Variants in SLC24A3 observed in about 807,000 individuals in gnomAD.
The protein encoded by SLC24A3 is solute carrier family 24 member 3.
Under a neutral mutation model 75.8 loss-of-function variants are expected in SLC24A3, and 28 were observed. That is an observed-to-expected ratio of 0.37 (90% CI 0.27 to 0.51). The LOEUF (loss-of-function observed/expected upper bound fraction) is 0.51. Ranked by LOEUF, SLC24A3 falls within the 20% of genes least tolerant of loss-of-function variation. The probability of loss-of-function intolerance (pLI) is 0.94; values close to 1 mark genes in which losing one functional copy is unlikely to be tolerated. For missense variants in SLC24A3, 663 were observed against 847.8 expected, an observed-to-expected ratio of 0.78 and a Z score of 2.71; for synonymous variants, 372 against 334.1, an observed-to-expected ratio of 1.11 and a Z score of -1.24.
chr20:19,452,522 G>A (rs757261406), intron 2 of SLC24A3, among the ~76,000 whole-genome samples: 1 of 151,868 alleles, frequency 6.6e-6, no homozygotes, highest in Non-Finnish European at 1.5e-5. Context: ...GGGAAAGACT[G>A]AGGCACTTGG....
At chr20:19,303,359 GC>G (rs1204429262) in intron 2 of SLC24A3, among the ~76,000 whole-genome samples, 1 of 152,196 alleles carries the variant, frequency 6.6e-6, no homozygotes, top group Non-Finnish European at 1.5e-5. Flanking sequence ...TCTTACGGCT[GC>G]ATGGTATTCC....
At chr20:19,581,540 T>C (rs1287916435) in intron 4 of SLC24A3, among the ~76,000 whole-genome samples, 1 of 152,238 alleles carries the variant, frequency 6.6e-6, no homozygotes, top group South Asian at 2.1e-4. Flanking sequence ...AAAAAAGTTA[T>C]AAGGAGAGGA....
chr20:19,610,157 C>A (rs1290122751), intron 6 of SLC24A3, among the ~76,000 whole-genome samples: 1 of 152,146 alleles, frequency 6.6e-6, no homozygotes, highest in South Asian at 2.1e-4. Context: ...CGGCTTTCTT[C>A]TTCTCCTTTT....
At chr20:19,631,940 T>C (rs2424239) in intron 6 of SLC24A3, among the ~76,000 whole-genome samples, 63,917 of 151,876 alleles carry the variant, frequency 0.42, 16,605 homozygotes, top group African/African-American at 0.75. Context: ...AGTCTTTCTG[T>C]TGTCCTAAGC....
intron 1 of SLC24A3, among the ~76,000 whole-genome samples, chr20:19,217,045 G>A (rs938715239): frequency 1.3e-5 from 2 of 152,198 alleles, no homozygotes; most frequent in African/African-American, 4.8e-5. Context: ...CTCTCCATGC[G>A]ATCTCTTTAT....
At chr20:19,479,869 C>T (rs1988024876) in intron 2 of SLC24A3, among the ~76,000 whole-genome samples, 1 of 152,152 alleles carries the variant, frequency 6.6e-6, no homozygotes, top group Non-Finnish European at 1.5e-5. Context: ...ACACTGACAG[C>T]CCCAGCTACA....
At chr20:19,510,488 C>T (rs1398486688) in intron 2 of SLC24A3, among the ~76,000 whole-genome samples, 2 of 152,172 alleles carry the variant, frequency 1.3e-5, no homozygotes, top group African/African-American at 2.4e-5. Flanking sequence ...GCAAAGGAGG[C>T]TTCGGAGATG....
chr20:19,684,292 C>T lies in SLC24A3; in HGVS notation c.1018C>T (p.Pro340Ser). ...AATCATGATAACCAGCCACTTTCCC[C>T]CCAAGACCCGGCTCTCCATGGCCAG... Reference protein sequence around the residue: ...LRIMITSHFPPKTRLSMASRM... With the variant: ...LRIMITSHFPSKTRLSMASRM... The change falls in exon 11 of 17, where the codon CCC becomes TCC. Residue 340 changes from proline to serine, a missense_variant. By Grantham distance (74) the Pro-to-Ser change is moderately conservative. Coordinates refer to ENST00000328041, the MANE Select transcript of SLC24A3 (RefSeq NM_020689.4). The T allele has an allele frequency of 6.2e-7, 1 of 1,614,134 alleles. No individual in the cohort carries two copies. The highest frequency in any genetic ancestry group is 8.5e-7 in the Non-Finnish European group (1 of 1,180,022).
intron 2 of SLC24A3, among the ~76,000 whole-genome samples, chr20:19,480,288 T>C (rs1568629983): frequency 4.6e-5 from 7 of 152,154 alleles, no homozygotes; most frequent in Admixed American, 3.3e-4. Context: ...TCTCTGGGGC[T>C]GTTTTCTCCT....
chr20:19,473,376 C>G (rs1264860993), intron 2 of SLC24A3, among the ~76,000 whole-genome samples: 3 of 152,200 alleles, frequency 2.0e-5, no homozygotes, highest in Non-Finnish European at 4.4e-5. Flanking sequence ...ATTCCTAACT[C>G]ACAATGCACC....
At chr20:19,592,079 G>A (rs1385773145) in intron 6 of SLC24A3, among the ~76,000 whole-genome samples, 1 of 152,216 alleles carries the variant, frequency 6.6e-6, no homozygotes, top group Non-Finnish European at 1.5e-5. Context: ...CTACATGTGG[G>A]ATTCCAGGTG....
intron 6 of SLC24A3, among the ~76,000 whole-genome samples, chr20:19,651,974 G>A (rs1430219238): frequency 6.6e-6 from 1 of 151,900 alleles, no homozygotes; most frequent in Non-Finnish European, 1.5e-5. Context: ...TTCTTCAAAT[G>A]CTGGATCTCT....
rs117879618 is a variant in SLC24A3, at chr20:19,541,467, C to T, written c.348+25903C>T. ...ATTAGCACGTGTGTGTCTATTTACA[C>T]GCACCATTAAGTGCTGTCCCTCAGT... On this transcript the variant is annotated intron_variant, in intron 3 of 16. Coordinates refer to ENST00000328041, the MANE Select transcript of SLC24A3 (RefSeq NM_020689.4). Among the ~76,000 whole-genome samples, 9 of 152,292 alleles carry T rather than the reference C, an allele frequency of 5.9e-5. No homozygotes were observed. The East Asian group carries it at 7.7e-4, about 13-fold the overall frequency.
intron 6 of SLC24A3, among the ~76,000 whole-genome samples, chr20:19,640,827 T>C (rs1191256418): frequency 2.0e-5 from 3 of 152,188 alleles, no homozygotes; most frequent in Non-Finnish European, 4.4e-5. Flanking sequence ...TAAAATCAGA[T>C]AGAAATAGGA....
chr20:19,240,845 G>A (rs1982308607), intron 1 of SLC24A3, among the ~76,000 whole-genome samples: 1 of 152,170 alleles, frequency 6.6e-6, no homozygotes, highest in Non-Finnish European at 1.5e-5. Context: ...CCCTCGCATG[G>A]GGCAGGGGAA....
chr20:19,344,840 C>T (rs1045092164), intron 2 of SLC24A3, among the ~76,000 whole-genome samples: 1 of 152,158 alleles, frequency 6.6e-6, no homozygotes, highest in African/African-American at 2.4e-5. Flanking sequence ...ATGTGTAGAG[C>T]ACCTACTACT....
intron 6 of SLC24A3, among the ~76,000 whole-genome samples, chr20:19,632,697 A>ATT (rs1380576015): frequency 2.0e-5 from 3 of 152,214 alleles, no homozygotes; most frequent in Non-Finnish European, 4.4e-5. Context: ...ACCATCAAAC[A>ATT]GATTGTATAC....
At chr20:19,704,541 G>A (rs1424272760) in intron 15 of SLC24A3, among the ~76,000 whole-genome samples, 9 of 152,178 alleles carry the variant, frequency 5.9e-5, no homozygotes, top group Non-Finnish European at 1.0e-4. Context: ...CAGTACATAC[G>A]TGAACAAATG....
At chr20:19,642,394 T>C (rs1457520637) in intron 6 of SLC24A3, among the ~76,000 whole-genome samples, 1 of 152,250 alleles carries the variant, frequency 6.6e-6, no homozygotes, top group African/African-American at 2.4e-5. Flanking sequence ...GGATAAATAT[T>C]ATCATTCCAG....
Sources: gnomAD v4.1 joint callset for allele counts (sites outside exome capture counted in the v4.1 genomes callset) on GRCh38, gnomAD v4.1.1 for gene constraint, MANE v1.5 for transcripts, NCBI Gene and HGNC (gene_info 2026-07-23, HGNC 2026-07-21) for gene names.